GREM2: variants seen among roughly 807,000 people sequenced by gnomAD.
GREM2 encodes gremlin 2, DAN family BMP antagonist.
A neutral mutation model predicts 14.2 loss-of-function variants in GREM2; 11 were observed. That is an observed-to-expected ratio of 0.78 (90% CI 0.49 to 1.28). GREM2 has a LOEUF of 1.28. Among genes scored for constraint, GREM2 ranks in the 50% most tolerant of loss-of-function variants. The pLI is 0.00. For missense variants in GREM2, 210 were observed against 218.5 expected (o/e 0.96, Z 0.24); for synonymous variants, 98 against 97.6 (o/e 1.00, Z -0.02).
chr1:240,574,877 G>A (rs574489013), intron 1 of GREM2, among the ~76,000 whole-genome samples: 2 of 152,254 alleles, frequency 1.3e-5, no homozygotes, highest in South Asian at 4.1e-4. Context: ...GGGAGGCCGA[G>A]GCAGGCGGAT....
chr1:240,607,557 A>G (rs1363923024), intron 1 of GREM2, among the ~76,000 whole-genome samples: 1 of 152,236 alleles, frequency 6.6e-6, no homozygotes, highest in Admixed American at 6.5e-5. Context: ...AAGTTTTCAT[A>G]AGGAACCATG....
chr1:240,534,626 G>A (rs1295105145), intron 1 of GREM2, among the ~76,000 whole-genome samples: 1 of 151,582 alleles, frequency 6.6e-6, no homozygotes, highest in African/African-American at 2.4e-5. Context: ...CCAGGAAGTG[G>A]AGCTTGCAGT....
intron 1 of GREM2, among the ~76,000 whole-genome samples, chr1:240,607,327 ATT>A (rs11294379): frequency 6.6e-6 from 1 of 150,818 alleles, no homozygotes; most frequent in Non-Finnish European, 1.5e-5. Context: ...CTTAGGTTAA[ATT>A]TTTTTTTTCA....
In GREM2 at chr1:240,509,348, C is replaced by T. The variant is rs142782022; in HGVS notation, c.-1-15872G>A. Among the ~76,000 whole-genome samples, 110 of 146,292 alleles carry T rather than the reference C, an allele frequency of 7.5e-4. 1 individual carries two copies. The East Asian group carries it at 0.021, about 28-fold the overall frequency. On this transcript the variant is annotated intron_variant, in intron 1 of 1. Coordinates refer to ENST00000318160, the MANE Select transcript of GREM2 (RefSeq NM_022469.4). Reference sequence around the variant, plus strand: ...GTCCAAGCAGAGGCTTGCCCAGGAGCCAGCTCATTTGATTTTTTTTTTTTT... The same window carrying T: ...GTCCAAGCAGAGGCTTGCCCAGGAGTCAGCTCATTTGATTTTTTTTTTTTT...
At chr1:240,558,396 AT>A (rs111695908) in intron 1 of GREM2, among the ~76,000 whole-genome samples, 3 of 152,104 alleles carry the variant, frequency 2.0e-5, no homozygotes, top group African/African-American at 4.8e-5. Flanking sequence ...ATTTTGATGA[AT>A]TTTTTTTAAA....
intron 1 of GREM2, among the ~76,000 whole-genome samples, chr1:240,506,031 A>C (rs889394701): frequency 7.9e-5 from 12 of 152,164 alleles, no homozygotes; most frequent in Admixed American, 1.3e-4. Context: ...ATCTACTGCA[A>C]ATTTTAGATG....
In GREM2 at chr1:240,493,481, A is replaced by T. The variant is rs1677318422; in HGVS notation, c.-1-5T>A. 1 of 1,596,856 alleles carries T rather than the reference A, an allele frequency of 6.3e-7. No homozygotes were observed. The highest frequency in any genetic ancestry group is 1.7e-4 in the Middle Eastern group (1 of 5,960). Reference sequence around the variant, plus strand: ...AGGGAAAGCTTCCAGAACATCCTGCAAACGAGAAAAGAGAGGGGCTGGCTG... The same window carrying T: ...AGGGAAAGCTTCCAGAACATCCTGCTAACGAGAAAAGAGAGGGGCTGGCTG... On this transcript the variant is annotated splice_region_variant and splice_polypyrimidine_tract_variant and intron_variant, in intron 1 of 1. Transcript: ENST00000318160.
intron 1 of GREM2, among the ~76,000 whole-genome samples, chr1:240,510,095 T>C (rs187166534): frequency 0.013 from 1,978 of 152,026 alleles, 16 homozygotes; most frequent in Non-Finnish European, 0.017. Context: ...GTAGGCCGGG[T>C]GCGGTGGCTC....
intron 1 of GREM2, among the ~76,000 whole-genome samples, chr1:240,610,958 A>G (rs1437233004): frequency 3.3e-5 from 5 of 152,192 alleles, no homozygotes; most frequent in East Asian, 1.9e-4. Flanking sequence ...AAGCAATGCT[A>G]ATTTAATCAC....
intron 1 of GREM2, among the ~76,000 whole-genome samples, chr1:240,581,444 G>A (rs756527631): frequency 2.6e-4 from 39 of 152,002 alleles, no homozygotes; most frequent in Non-Finnish European, 4.6e-4. Flanking sequence ...TGTGGTAAAC[G>A]CTCATAGATT....
intron 1 of GREM2, among the ~76,000 whole-genome samples, chr1:240,550,989 G>T (rs906508182): frequency 3.9e-5 from 6 of 152,142 alleles, no homozygotes; most frequent in African/African-American, 9.7e-5. Flanking sequence ...TTTGAAAAAA[G>T]AATCTTTTAT....
chr1:240,601,773 G>A (rs2102871411), intron 1 of GREM2, among the ~76,000 whole-genome samples: 1 of 152,158 alleles, frequency 6.6e-6, no homozygotes, highest in Admixed American at 6.5e-5. Context: ...CAGGCATGGT[G>A]GCACATGCCT....
At chr1:240,516,604 AT>A (rs1677961997) in intron 1 of GREM2, among the ~76,000 whole-genome samples, 2 of 152,280 alleles carry the variant, frequency 1.3e-5, no homozygotes, top group South Asian at 4.1e-4. Context: ...ATAATACTAT[AT>A]ACTGTGTCTC....
chr1:240,596,424 C>T (rs761193226), intron 1 of GREM2, among the ~76,000 whole-genome samples: 6 of 152,144 alleles, frequency 3.9e-5, no homozygotes, highest in South Asian at 2.1e-4. Context: ...TTGCCGGGCA[C>T]GGTAGTTCAC....
chr1:240,511,475 G>T (rs755232461), intron 1 of GREM2, among the ~76,000 whole-genome samples: 3 of 152,236 alleles, frequency 2.0e-5, no homozygotes, highest in Non-Finnish European at 4.4e-5. Context: ...TTGAGGCCAG[G>T]CCTGTTGGCT....
intron 1 of GREM2, among the ~76,000 whole-genome samples, chr1:240,507,094 T>C (rs1158111706): frequency 6.6e-6 from 1 of 152,196 alleles, no homozygotes; most frequent in Non-Finnish European, 1.5e-5. Flanking sequence ...GGAGTTTCTA[T>C]GGCACAAGGA....
chr1:240,546,511 T>A (rs1678723368), intron 1 of GREM2, among the ~76,000 whole-genome samples: 1 of 152,162 alleles, frequency 6.6e-6, no homozygotes, highest in Admixed American at 6.5e-5. Context: ...AGGGCAAGAC[T>A]TTATCATATT....
intron 1 of GREM2, among the ~76,000 whole-genome samples, chr1:240,545,908 T>C (rs529881589): frequency 2.6e-5 from 4 of 152,358 alleles, no homozygotes; most frequent in South Asian, 4.1e-4. Flanking sequence ...CCTAAGTTGT[T>C]TAATTAACCA....
chr1:240,581,596 T>C (rs899603549), intron 1 of GREM2, among the ~76,000 whole-genome samples: 2 of 152,226 alleles, frequency 1.3e-5, no homozygotes, highest in Non-Finnish European at 2.9e-5. Flanking sequence ...AATCAATAAA[T>C]AATTTCTATC....
Sources: gnomAD v4.1 joint callset for allele counts (sites outside exome capture counted in the v4.1 genomes callset) on GRCh38, gnomAD v4.1.1 for gene constraint, MANE v1.5 for transcripts, NCBI Gene and HGNC (gene_info 2026-07-23, HGNC 2026-07-21) for gene names.